NEDD9: variants seen among roughly 807,000 people sequenced by gnomAD.
The protein encoded by NEDD9 is neural precursor cell expressed, developmentally down-regulated 9, also known as enhancer of filamentation 1.
A neutral mutation model predicts 76.6 loss-of-function variants in NEDD9; 26 were observed. That is an observed-to-expected ratio of 0.34 (90% CI 0.25 to 0.47). NEDD9 has a LOEUF of 0.47. Among genes scored for constraint, NEDD9 ranks in the 20% least tolerant of loss-of-function variants. The pLI, the probability that NEDD9 is intolerant of heterozygous loss-of-function variation, is 1.00. For synonymous variants in NEDD9, 392 were observed against 414.2 expected (o/e 0.95, Z 0.65); for missense variants, 937 against 1,058.5 (o/e 0.89, Z 1.59).
Position 11,281,350 on chromosome 6 carries a change from A to G in NEDD9, c.12+24642T>C, listed in dbSNP as rs562289405. On this transcript the variant is annotated intron_variant, in intron 3 of 3. Coordinates refer to the NEDD9 transcript ENST00000397378. ...CCAGGATTGTCGTAGACATGGGTGC[A>G]TGGTACAGTTCTGGGTTCGTTGAAA... Among the ~76,000 whole-genome samples, 117 of 152,292 alleles carry G rather than the reference A, an allele frequency of 7.7e-4. 1 individual carries two copies. Among genetic ancestry groups the G allele is most frequent in the African/African-American group, 2.8e-3 (115 of 41,570 alleles).
In NEDD9 at chr6:11,190,458, C is replaced by A. The variant is rs912771372; in HGVS notation, c.1411G>T (p.Ala471Ser). ...AGTTCCGGGAGGCAGGCAGCATTTG[C>A]AACAGCTCCCTTGACAAAGTGGAGG... ...EYLHFVKGAVANAACLPELIL... is the reference protein window; with the variant it reads ...EYLHFVKGAVSNAACLPELIL... Residue 471 changes from alanine to serine, a missense_variant, in exon 5 of 7, where the codon GCA becomes TCA. Physicochemically the swap from Ala to Ser is moderately conservative, Grantham distance 99 (BLOSUM62 1). Coordinates refer to ENST00000379446, the MANE Select transcript of NEDD9 (RefSeq NM_006403.4). This position sits in a 1 kb window ranked among gnomAD's most constrained non-coding sequence, Gnocchi z 5.8. 1 of 1,614,190 alleles carries A rather than the reference C, an allele frequency of 6.2e-7. No homozygotes were observed. The highest frequency in any genetic ancestry group is 8.5e-7 in the Non-Finnish European group (1 of 1,180,018).
chr6:11,188,432 AG>A, intron 5 of NEDD9, 125 bp from the exon 6 acceptor site: 1 of 838,800 alleles, frequency 1.2e-6, no homozygotes, highest in Non-Finnish European at 2.0e-6. Context: ...TCAAATGCCC[AG>A]TGAGGCACTG....
At chr6:11,229,550 CCAAGGCCAT>C (rs1759407843) in intron 1 of NEDD9, among the ~76,000 whole-genome samples, 1 of 151,964 alleles carries the variant, frequency 6.6e-6, no homozygotes, top group South Asian at 2.1e-4. Context: ...GGTAAGCAAA[CCAAGGCCAT>C]CGAGGCAATC....
At chr6:11,266,434 T>A in intron 3 of NEDD9, among the ~76,000 whole-genome samples, 1 of 152,160 alleles carries the variant, frequency 6.6e-6, no homozygotes, top group East Asian at 1.9e-4. Flanking sequence ...CCCCAGGTGT[T>A]AATAGTGCTG....
intron 3 of NEDD9, among the ~76,000 whole-genome samples, chr6:11,272,050 AG>A (rs1760319145): frequency 6.6e-6 from 1 of 152,174 alleles, no homozygotes; most frequent in Admixed American, 6.5e-5. Context: ...CACAGAAGAG[AG>A]CTGTCATATC....
chr6:11,291,365 C>G lies in NEDD9; in HGVS notation c.12+14627G>C, dbSNP rs569029093. Among the ~76,000 whole-genome samples the G allele has an allele frequency of 3.3e-5, 5 of 150,772 alleles. No homozygotes were observed. The South Asian group carries it at 8.4e-4, about 25-fold the overall frequency. ...TCTCTGCTCACTGCAAGCTCCGCCT[C>G]CCGGGTTCACGCCATTCTCCTGCCT... On this transcript the variant is annotated intron_variant, in intron 3 of 3. Transcript: ENST00000397378.
At chr6:11,356,626 TC>T (rs1762580289) in intron 1 of NEDD9, among the ~76,000 whole-genome samples, 1 of 152,086 alleles carries the variant, frequency 6.6e-6, no homozygotes, top group Non-Finnish European at 1.5e-5. Context: ...CCTAAGATAC[TC>T]CCAGGTGGGC....
At chr6:11,189,495 C>G (rs1758073282) in intron 5 of NEDD9, among the ~76,000 whole-genome samples, 1 of 152,186 alleles carries the variant, frequency 6.6e-6, no homozygotes, top group African/African-American at 2.4e-5. Context: ...TAGAAATTCT[C>G]TGGTGCAAAG....
At chr6:11,243,102 TC>T (rs1314743303) in intron 3 of NEDD9, among the ~76,000 whole-genome samples, 1 of 152,144 alleles carries the variant, frequency 6.6e-6, no homozygotes, top group African/African-American at 2.4e-5. Context: ...TTCAGGATCT[TC>T]CCTTTGCCAC....
chr6:11,239,093 G>C (rs1426806522), intron 3 of NEDD9, among the ~76,000 whole-genome samples: 2 of 152,154 alleles, frequency 1.3e-5, no homozygotes, highest in Non-Finnish European at 2.9e-5. Flanking sequence ...CTTGAGCCCA[G>C]GAGGTCAACG....
chr6:11,300,500 G>C lies in NEDD9; in HGVS notation c.12+5492C>G, dbSNP rs1761019624. Among the ~76,000 whole-genome samples, 6 of 152,262 alleles carry C rather than the reference G, an allele frequency of 3.9e-5. 1 individual carries two copies. The South Asian group carries it at 1.2e-3, about 32-fold the overall frequency. ...AAGGCAGGCCAACATTCAAATTCAG[G>C]AAATACAGAGAACACCACAAAGATA... is the stretch of plus-strand genomic sequence containing the variant. On this transcript the variant is annotated intron_variant, in intron 3 of 3. Transcript: ENST00000397378.
intron 1 of NEDD9, among the ~76,000 whole-genome samples, chr6:11,345,439 C>T (rs1056478050): frequency 1.3e-5 from 2 of 151,880 alleles, no homozygotes; most frequent in African/African-American, 2.4e-5. Flanking sequence ...GATGGAGCAT[C>T]GAGCAAGACA....
intron 1 of NEDD9, among the ~76,000 whole-genome samples, chr6:11,220,002 G>A (rs1234315363): frequency 6.6e-6 from 1 of 152,168 alleles, no homozygotes; most frequent in Admixed American, 6.5e-5. Flanking sequence ...TTCAATACAG[G>A]AGACAGAAGA....
chr6:11,326,397 C>T (rs1761928323), intron 2 of NEDD9, among the ~76,000 whole-genome samples: 1 of 152,166 alleles, frequency 6.6e-6, no homozygotes, highest in Non-Finnish European at 1.5e-5. Flanking sequence ...TGGTACTGAT[C>T]TACCAATTAA....
At chr6:11,232,777 C>A (rs1759522757), upstream of NEDD9, 1 of 1,219,424 alleles carries the variant, frequency 8.2e-7, no homozygotes, top group Non-Finnish European at 1.1e-6. Flanking sequence ...ACCCCTAATT[C>A]TGAAAAACTG....
intron 1 of NEDD9, among the ~76,000 whole-genome samples, chr6:11,230,540 A>G (rs375943298): frequency 3.3e-5 from 5 of 152,264 alleles, no homozygotes; most frequent in African/African-American, 9.6e-5. Context: ...CTCTACTTAC[A>G]ATAACAAAAT....
intron 3 of NEDD9, among the ~76,000 whole-genome samples, chr6:11,250,537 C>T (rs765660122): frequency 2.0e-5 from 3 of 152,098 alleles, no homozygotes; most frequent in Non-Finnish European, 2.9e-5. Context: ...TCTTGCTGCC[C>T]GTCCTACGAC....
intron 1 of NEDD9, among the ~76,000 whole-genome samples, chr6:11,376,037 G>T (rs1197851903): frequency 1.3e-5 from 2 of 152,150 alleles, no homozygotes; most frequent in African/African-American, 4.8e-5. Context: ...TGTTAGCCAG[G>T]GTGGTCTCGA....
intron 2 of NEDD9, among the ~76,000 whole-genome samples, chr6:11,196,134 C>T (rs2113728312): frequency 6.6e-6 from 1 of 152,058 alleles, no homozygotes; most frequent in Non-Finnish European, 1.5e-5. Flanking sequence ...GAAACCCCAT[C>T]TCTACTAAAA....
Sources: gnomAD v4.1 joint callset for allele counts (sites outside exome capture counted in the v4.1 genomes callset) on GRCh38, gnomAD v4.1.1 for gene constraint, Gnocchi (gnomAD v3.1) non-coding constraint, MANE v1.5 for transcripts, NCBI Gene and HGNC (gene_info 2026-07-23, HGNC 2026-07-21) for gene names.